OR7C1: variants seen among roughly 807,000 people sequenced by gnomAD.
OR7C1 encodes the protein olfactory receptor family 7 subfamily C member 1, also known as olfactory receptor 7C1.
For missense variants in OR7C1, 324 were observed against 383.3 expected (o/e 0.85, Z 1.29); for synonymous variants, 152 against 160.7 (o/e 0.95, Z 0.41).
At chr19:14,815,524 G>T (rs1054898768) in intron 1 of OR7C1, among the ~76,000 whole-genome samples, 1 of 152,264 alleles carries the variant, frequency 6.6e-6, no homozygotes, top group South Asian at 2.1e-4. Flanking sequence ...TTGGCTAGAG[G>T]CTATGCTTCC....
intron 2 of OR7C1, among the ~76,000 whole-genome samples, chr19:14,805,765 TG>T (rs1387170775): frequency 1.3e-5 from 2 of 151,920 alleles, no homozygotes; most frequent in Non-Finnish European, 2.9e-5. Flanking sequence ...CCAGCTTCAT[TG>T]GGTTTTCTTT....
chr19:14,816,014 G>A (rs2044714780), intron 1 of OR7C1, among the ~76,000 whole-genome samples: 1 of 151,940 alleles, frequency 6.6e-6, no homozygotes, highest in Non-Finnish European at 1.5e-5. Context: ...TTGTAGAGAT[G>A]GGGTCTTGCT....
At chr19:14,831,356 A>G (rs1446168420) in intron 1 of OR7C1, among the ~76,000 whole-genome samples, 2 of 152,176 alleles carry the variant, frequency 1.3e-5, no homozygotes, top group East Asian at 3.8e-4. Context: ...TACTTGATCA[A>G]TTGGTTTTTA....
intron 1 of OR7C1, among the ~76,000 whole-genome samples, chr19:14,810,843 T>C (rs978557271): frequency 6.6e-6 from 1 of 151,980 alleles, no homozygotes; most frequent in Non-Finnish European, 1.5e-5. Context: ...TTCTCTGAGT[T>C]CAGTTATTCG....
intron 1 of OR7C1, among the ~76,000 whole-genome samples, chr19:14,810,660 C>T (rs1197154393): frequency 6.6e-6 from 1 of 151,592 alleles, no homozygotes; most frequent in African/African-American, 2.4e-5. Flanking sequence ...GCTGGGATTA[C>T]AGGCGTGAGC....
chr19:14,801,254 G>C (rs2044640523), intron 2 of OR7C1, among the ~76,000 whole-genome samples: 1 of 152,146 alleles, frequency 6.6e-6, no homozygotes, highest in Admixed American at 6.5e-5. Context: ...CCTGCTATCT[G>C]CATGGAGTTG....
At chr19:14,822,288 A>G (rs1014304434) in intron 1 of OR7C1, among the ~76,000 whole-genome samples, 11 of 149,132 alleles carry the variant, frequency 7.4e-5, no homozygotes, top group Admixed American at 2.7e-4. Flanking sequence ...ACTATTTTCT[A>G]TAATGCTTGT....
chr19:14,811,208 C>T (rs1480812524), intron 1 of OR7C1, among the ~76,000 whole-genome samples: 2 of 151,888 alleles, frequency 1.3e-5, no homozygotes, highest in Non-Finnish European at 2.9e-5. Context: ...CTGAAAACAA[C>T]AGGAATGTAT....
chr19:14,822,180 C>A (rs901381247), intron 1 of OR7C1, among the ~76,000 whole-genome samples: 4 of 152,084 alleles, frequency 2.6e-5, no homozygotes, highest in Non-Finnish European at 5.9e-5. Context: ...GTGCAGATAT[C>A]TCTTCAACAT....
At chr19:14,804,091 A>G (rs1395802759) in intron 2 of OR7C1, among the ~76,000 whole-genome samples, 1 of 152,126 alleles carries the variant, frequency 6.6e-6, no homozygotes, top group African/African-American at 2.4e-5. Context: ...ATTGCATGCT[A>G]AGTAAACATC....
intron 1 of OR7C1, chr19:14,826,853 T>TG (rs199991194): frequency 0.015 from 2,348 of 155,760 alleles, 45 homozygotes; most frequent in Non-Finnish European, 0.019. Flanking sequence ...AGGTCTACAT[T>TG]ATCAGGAGGA....
chr19:14,814,747 C>T (rs942767139), intron 1 of OR7C1, among the ~76,000 whole-genome samples: 8 of 152,136 alleles, frequency 5.3e-5, no homozygotes, highest in Admixed American at 1.3e-4. Context: ...CTTAACTGAA[C>T]GGACCTCCTC....
chr19:14,825,032 C>T (rs2044758673), intron 1 of OR7C1: 1 of 152,084 alleles, frequency 6.6e-6, no homozygotes, highest in Non-Finnish European at 1.5e-5. Flanking sequence ...AATTTGAGAC[C>T]ATCCTGGGCA....
intron 2 of OR7C1, among the ~76,000 whole-genome samples, chr19:14,805,177 C>T (rs140816213): frequency 5.9e-5 from 9 of 151,846 alleles, no homozygotes; most frequent in African/African-American, 9.7e-5. Flanking sequence ...TTGATCACTA[C>T]GCTGCAGAAT....
chr19:14,815,120 C>G (rs2044710198), intron 1 of OR7C1, among the ~76,000 whole-genome samples: 1 of 152,176 alleles, frequency 6.6e-6, no homozygotes, highest in Non-Finnish European at 1.5e-5. Flanking sequence ...TACTAACTGA[C>G]CCCCAGCCCC....
At chr19:14,807,138 ATGT>A in intron 2 of OR7C1, among the ~76,000 whole-genome samples, 1 of 151,956 alleles carries the variant, frequency 6.6e-6, no homozygotes, top group South Asian at 2.1e-4. Flanking sequence ...ATGATCAGTG[ATGT>A]TGAGCTTTTT....
chr19:14,802,196 A>T (rs747995731), intron 2 of OR7C1, among the ~76,000 whole-genome samples: 5 of 152,264 alleles, frequency 3.3e-5, no homozygotes, highest in Non-Finnish European at 7.3e-5. Context: ...TGCTGAAGAT[A>T]GCGGAAATGT....
intron 1 of OR7C1, among the ~76,000 whole-genome samples, chr19:14,833,687 C>T (rs1291149604): frequency 2.0e-5 from 3 of 152,118 alleles, no homozygotes; most frequent in East Asian, 1.9e-4. Context: ...TAATTTTAAA[C>T]GCTGGTAACT....
intron 1 of OR7C1, among the ~76,000 whole-genome samples, chr19:14,816,888 A>G (rs1242686474): frequency 1.3e-5 from 2 of 152,150 alleles, no homozygotes; most frequent in African/African-American, 4.8e-5. Context: ...CTAATGTCTA[A>G]CATGGTCTCT....
Sources: gnomAD v4.1 joint callset for allele counts (sites outside exome capture counted in the v4.1 genomes callset) on GRCh38, gnomAD v4.1.1 for gene constraint, MANE v1.5 for transcripts, NCBI Gene and HGNC (gene_info 2026-07-23, HGNC 2026-07-21) for gene names.